Variants in PPP1R1C observed in about 807,000 individuals in gnomAD.
PPP1R1C encodes protein phosphatase 1 regulatory subunit 1C.
A neutral mutation model predicts 17.4 loss-of-function variants in PPP1R1C; 15 were observed. The observed-to-expected ratio is 0.86, with a 90% CI of 0.58 to 1.33. PPP1R1C has a LOEUF of 1.33. PPP1R1C is among the 40% of genes most tolerant of loss of function. The pLI, the probability that PPP1R1C is intolerant of heterozygous loss-of-function variation, is 0.00. For synonymous variants in PPP1R1C, 35 were observed against 43.1 expected, an observed-to-expected ratio of 0.81 and a Z score of 0.73; for missense variants, 143 against 130.0, an observed-to-expected ratio of 1.10 and a Z score of -0.48.
At chr2:182,106,628 T>C (rs1299499995) in intron 4 of PPP1R1C, among the ~76,000 whole-genome samples, 1 of 152,208 alleles carries the variant, frequency 6.6e-6, no homozygotes, top group Non-Finnish European at 1.5e-5. Context: ...AATTTTTTTC[T>C]TTTTTGGTAC....
chr2:182,068,090 A>G lies in PPP1R1C; in HGVS notation c.241+4299A>G, dbSNP rs933468959. 3.3e-5 allele frequency among the ~76,000 whole-genome samples: 5 copies of G among 151,764 alleles called. No homozygotes were observed. In the East Asian group the frequency reaches 5.8e-4, roughly 18 times the overall value. On this transcript the variant is annotated intron_variant, in intron 4 of 4. Coordinates refer to ENST00000682840, the MANE Select transcript of PPP1R1C (RefSeq NM_001080545.3). ...TCTTTATCTCAGCCATATAACATGA[A>G]CTCCTCCTTTTGGCTTTTTGCTTTA...
At chr2:182,111,928 G>A (rs537695297) in intron 4 of PPP1R1C, among the ~76,000 whole-genome samples, 3 of 152,038 alleles carry the variant, frequency 2.0e-5, no homozygotes, top group Admixed American at 6.6e-5. Flanking sequence ...AAGTTTTTGC[G>A]ATAGGCACCA....
At chr2:182,087,441 G>T (rs1488406264) in intron 4 of PPP1R1C, among the ~76,000 whole-genome samples, 2 of 152,146 alleles carry the variant, frequency 1.3e-5, no homozygotes, top group Non-Finnish European at 2.9e-5. Flanking sequence ...ATTTTCCCAT[G>T]CTGCTTTCAT....
chr2:181,972,202 G>A (rs1685022722), intron 1 of PPP1R1C, among the ~76,000 whole-genome samples: 1 of 152,170 alleles, frequency 6.6e-6, no homozygotes, highest in African/African-American at 2.4e-5. Flanking sequence ...ACTAATGTGG[G>A]AAGGGAAAGA....
At chr2:182,034,148 G>A (rs1018346848) in intron 2 of PPP1R1C, among the ~76,000 whole-genome samples, 3 of 152,058 alleles carry the variant, frequency 2.0e-5, no homozygotes, top group Non-Finnish European at 4.4e-5. Context: ...ACTATGTCTA[G>A]GAAACTGCCC....
chr2:182,124,304 G>GTTTTTTTTTGGT (rs1689811660), intron 5 of PPP1R1C, among the ~76,000 whole-genome samples: 40 of 77,622 alleles, frequency 5.2e-4, no homozygotes, highest in African/African-American at 1.6e-3. Flanking sequence ...CTCCAGCTTT[G>GTTTTTTTTTGGT]TTTTTTTTTG....
chr2:182,016,505 T>A (rs1686266910), intron 2 of PPP1R1C, among the ~76,000 whole-genome samples: 2 of 152,212 alleles, frequency 1.3e-5, no homozygotes, highest in Admixed American at 6.5e-5. Flanking sequence ...TGGAATATAG[T>A]GTAGTATTAT....
chr2:182,113,444 T>TA (rs34711576), intron 4 of PPP1R1C, among the ~76,000 whole-genome samples: 1 of 152,200 alleles, frequency 6.6e-6, no homozygotes, highest in Non-Finnish European at 1.5e-5. Flanking sequence ...ATTCCCTTCT[T>TA]AAACTAGTCC....
chr2:182,113,414 T>C (rs376554552), intron 4 of PPP1R1C, among the ~76,000 whole-genome samples: 53 of 152,214 alleles, frequency 3.5e-4, no homozygotes, highest in African/African-American at 1.3e-3. Context: ...AGTGATGTCA[T>C]AAAACTACCT....
intron 4 of PPP1R1C, among the ~76,000 whole-genome samples, chr2:182,074,251 C>T (rs1688229101): frequency 6.6e-6 from 1 of 151,922 alleles, no homozygotes; most frequent in African/African-American, 2.4e-5. Flanking sequence ...CCATATTAGC[C>T]AGGATGGTCT....
Position 181,985,942 on chromosome 2 carries a change from G to T in PPP1R1C, c.-169G>T. 1.6e-6 allele frequency: 1 copy of T among 626,508 alleles called. No homozygotes were observed. The highest frequency in any genetic ancestry group is 2.7e-5 in the East Asian group (1 of 36,964). The allele number at this position is 626,508 out of a possible 1,614,324, so 38.8% of individuals were successfully genotyped here. On this transcript the variant is annotated 5_prime_UTR_variant, in exon 1 of 5. Coordinates refer to ENST00000682840, the MANE Select transcript of PPP1R1C (RefSeq NM_001080545.3). This position sits in a 1 kb window ranked among gnomAD's most constrained non-coding sequence, Gnocchi z 4.1. ...CATCACCGTGGATGTTGAAGAAGGG[G>T]GTTACTCAAACCTCGGCATCTTCAC...
At chr2:182,032,555 C>T (rs1025938128) in intron 2 of PPP1R1C, among the ~76,000 whole-genome samples, 5 of 152,144 alleles carry the variant, frequency 3.3e-5, no homozygotes, top group African/African-American at 1.2e-4. Flanking sequence ...GGCCCCACCA[C>T]ATACTTATTT....
At chr2:182,087,325 G>A (rs1688656355) in intron 4 of PPP1R1C, among the ~76,000 whole-genome samples, 1 of 152,208 alleles carries the variant, frequency 6.6e-6, no homozygotes, top group Non-Finnish European at 1.5e-5. Context: ...CCACCAGCTT[G>A]CTCTGCCTGA....
intron 2 of PPP1R1C, among the ~76,000 whole-genome samples, chr2:182,025,286 C>T (rs1347328340): frequency 6.9e-6 from 1 of 144,504 alleles, no homozygotes; most frequent in Non-Finnish European, 1.5e-5. Flanking sequence ...TATACATGTG[C>T]CATGCTGGTG....
At chr2:181,977,421 C>G (rs1009037687) in intron 2 of PPP1R1C, among the ~76,000 whole-genome samples, 1 of 151,850 alleles carries the variant, frequency 6.6e-6, no homozygotes, top group Non-Finnish European at 1.5e-5. Context: ...TCTTTTCCCC[C>G]TTAACATTTG....
At chr2:182,040,288 C>T (rs981458852) in intron 2 of PPP1R1C, among the ~76,000 whole-genome samples, 4 of 152,182 alleles carry the variant, frequency 2.6e-5, no homozygotes, top group African/African-American at 9.6e-5. Flanking sequence ...TAAGCATTCC[C>T]TTCTCACCAC....
intron 1 of PPP1R1C, among the ~76,000 whole-genome samples, chr2:181,958,226 C>T (rs1684702779): frequency 6.6e-6 from 1 of 152,162 alleles, no homozygotes; most frequent in African/African-American, 2.4e-5. Flanking sequence ...CCTTTCTCAG[C>T]CCGATCCTGC....
chr2:181,958,152 G>T (rs1684701906), intron 1 of PPP1R1C, among the ~76,000 whole-genome samples: 2 of 152,154 alleles, frequency 1.3e-5, no homozygotes, highest in African/African-American at 2.4e-5. Flanking sequence ...TCAGCAGGGG[G>T]GCTTAATGGA....
chr2:182,037,473 G>T (rs1448980689), intron 2 of PPP1R1C, among the ~76,000 whole-genome samples: 3 of 152,024 alleles, frequency 2.0e-5, no homozygotes, highest in African/African-American at 7.2e-5. Flanking sequence ...TGTAGTTCCA[G>T]CTACTCGGGA....
Sources: gnomAD v4.1 joint callset for allele counts (sites outside exome capture counted in the v4.1 genomes callset) on GRCh38, gnomAD v4.1.1 for gene constraint, Gnocchi (gnomAD v3.1) non-coding constraint, MANE v1.5 for transcripts, NCBI Gene and HGNC (gene_info 2026-07-23, HGNC 2026-07-21) for gene names.